The following ALK variants were observed in gnomAD, a reference collection of about 807,000 sequenced individuals.
ALK encodes ALK tyrosine kinase receptor.
Under a neutral mutation model 163.1 loss-of-function variants are expected in ALK, and 74 were observed. The observed-to-expected ratio is 0.45, with a 90% CI of 0.38 to 0.55. The LOEUF is 0.55. Among genes scored for constraint, ALK ranks in the 20% least tolerant of loss-of-function variants. ALK has a pLI of 0.00. For missense variants in ALK, 2,063 were observed against 2,105.3 expected (o/e 0.98, Z 0.39); for synonymous variants, 960 against 843.2 (o/e 1.14, Z -2.40).
chr2:29,353,609 CA>C (rs1468364652), intron 5 of ALK, among the ~76,000 whole-genome samples: 2 of 151,984 alleles, frequency 1.3e-5, no homozygotes, highest in Non-Finnish European at 2.9e-5. Flanking sequence ...GTCTGTACAC[CA>C]GGGAGAGGTG....
rs1475364383 is a variant in ALK at position 29,251,110 on chromosome 2, G to A, written c.2199C>T (p.Thr733=). ...IQIWKVPATD[T]YSISGYGAAG... ...TCCCCCTCTTCCATACGCACCTGTA[G>A]GTGTCGGTGGCTGGCACCTTCCAGA... Residue 733 remains threonine, a synonymous_variant, in exon 12 of 29, where the codon ACC becomes ACT. Coordinates refer to ENST00000389048, the MANE Select transcript of ALK (RefSeq NM_004304.5). 1 of 1,614,028 alleles carries A rather than the reference G, an allele frequency of 6.2e-7. No individual in the cohort carries two copies. The highest frequency in any genetic ancestry group is 2.2e-5 in the East Asian group (1 of 44,860).
Position 29,296,997 on chromosome 2 carries a change from C to A in ALK, c.1708G>T (p.Glu570Ter), listed in dbSNP as rs1381135955. The A allele has an allele frequency of 6.2e-7, 1 of 1,614,052 alleles. No individual in the cohort carries two copies. Among genetic ancestry groups the A allele is most frequent in the African/African-American group, 1.3e-5 (1 of 74,926 alleles). The stretch of plus-strand genomic sequence containing the variant: ...CCTTGCTCCTTCCCGGTTTTGTTCT[C>A]CACTAGCACCAAGGACACGTTTCCC... ...LRGNVSLVLV[E>*]NKTGKEQGRM... Residue 570 changes from glutamate to a stop codon, truncating the protein, a stop_gained, in exon 9 of 29, where the codon GAG becomes TAG. Coordinates refer to ENST00000389048, the MANE Select transcript of ALK (RefSeq NM_004304.5). LOFTEE classifies it high-confidence loss of function.
chr2:29,484,228 T>C (rs983098818), intron 4 of ALK, among the ~76,000 whole-genome samples: 90 of 152,170 alleles, frequency 5.9e-4, no homozygotes, highest in African/African-American at 2.1e-3. Context: ...GGTAATTAGA[T>C]GGATTGATTG....
intron 4 of ALK, among the ~76,000 whole-genome samples, chr2:29,394,882 T>TC (rs1446525622): frequency 6.6e-6 from 1 of 152,114 alleles, no homozygotes; most frequent in Admixed American, 6.5e-5. Flanking sequence ...TTTTTTTTTT[T>TC]CTTCAATACA....
At chr2:29,609,425 C>A (rs1438873795) in intron 3 of ALK, among the ~76,000 whole-genome samples, 1 of 152,040 alleles carries the variant, frequency 6.6e-6, no homozygotes, top group Non-Finnish European at 1.5e-5. Context: ...TCCTGGTGGC[C>A]CACAGAAGAG....
intron 1 of ALK, among the ~76,000 whole-genome samples, chr2:29,778,680 G>A (rs1460018651): frequency 6.6e-6 from 1 of 152,094 alleles, no homozygotes; most frequent in Admixed American, 6.6e-5. Flanking sequence ...GCAGCTGAAA[G>A]TTTCCTATGG....
rs748335936 is a variant in ALK at position 29,275,100 on chromosome 2, T to C, written c.2040A>G (p.Thr680=). The C allele has an allele frequency of 3.1e-6, 5 of 1,613,958 alleles. No individual in the cohort carries two copies. The highest frequency in any genetic ancestry group is 4.2e-6 in the Non-Finnish European group (5 of 1,180,038). ...CACATTTGTGAGCTGAACCCTTACCTGTAGGGTCAAAGATGGGGGTCTGTC... is the reference window on the plus strand; with the variant it reads ...CACATTTGTGAGCTGAACCCTTACCCGTAGGGTCAAAGATGGGGGTCTGTC... ...SPRQTPIFDP[T]VHWLFTTCGA... is the part of the protein sequence containing the mutation. The change falls in exon 11 of 29, where the codon ACA becomes ACG. Residue 680 remains threonine, a splice_region_variant and synonymous_variant. Transcript: ENST00000389048.
intron 4 of ALK, among the ~76,000 whole-genome samples, chr2:29,474,798 T>C (rs1671462022): frequency 6.7e-6 from 1 of 148,500 alleles, no homozygotes; most frequent in African/African-American, 2.5e-5. Flanking sequence ...GATTTTCTAG[T>C]GCGATATAAG....
chr2:29,767,210 C>G (rs547245829), intron 1 of ALK, among the ~76,000 whole-genome samples: 85 of 152,302 alleles, frequency 5.6e-4, no homozygotes, highest in African/African-American at 2.0e-3. Flanking sequence ...GTAAGAAGAT[C>G]AAGCTTAAAC....
intron 4 of ALK, among the ~76,000 whole-genome samples, chr2:29,527,762 G>A (rs1488311865): frequency 3.3e-5 from 5 of 152,058 alleles, no homozygotes; most frequent in Non-Finnish European, 4.4e-5. Flanking sequence ...TGATCCTCCC[G>A]CCTTGGTCTC....
At chr2:29,666,927 G>C (rs909190919) in intron 3 of ALK, among the ~76,000 whole-genome samples, 2 of 151,910 alleles carry the variant, frequency 1.3e-5, no homozygotes, top group African/African-American at 4.8e-5. Flanking sequence ...ACATAGAAAT[G>C]AGAACATGCA....
At chr2:29,345,790 T>A (rs1667931767) in intron 5 of ALK, among the ~76,000 whole-genome samples, 1 of 152,118 alleles carries the variant, frequency 6.6e-6, no homozygotes, top group Non-Finnish European at 1.5e-5. Context: ...TGAAGAACCC[T>A]TATTAACATG....
At chr2:29,901,254 C>T (rs1667409374) in intron 1 of ALK, among the ~76,000 whole-genome samples, 2 of 152,192 alleles carry the variant, frequency 1.3e-5, no homozygotes, top group South Asian at 2.1e-4. Context: ...AAGTGCCTGG[C>T]ATGTAATAGA....
chr2:29,568,376 G>T (rs553727000), intron 3 of ALK, among the ~76,000 whole-genome samples: 3 of 152,208 alleles, frequency 2.0e-5, no homozygotes, highest in South Asian at 4.2e-4. Context: ...TCTTTCCATT[G>T]CCACATTCTG....
intron 1 of ALK, among the ~76,000 whole-genome samples, chr2:29,887,977 C>A (rs145716837): frequency 2.0e-5 from 3 of 152,296 alleles, no homozygotes; most frequent in South Asian, 2.1e-4. Flanking sequence ...AATGTCAGGT[C>A]AGGTAATCAT....
intron 3 of ALK, among the ~76,000 whole-genome samples, chr2:29,554,104 A>G (rs1313168946): frequency 1.3e-5 from 2 of 152,138 alleles, no homozygotes; most frequent in Non-Finnish European, 2.9e-5. Flanking sequence ...TATGAACTTG[A>G]GTGTCTGTAA....
chr2:29,831,439 C>G lies in ALK; in HGVS notation c.667+88554G>C, dbSNP rs550976785. Among the ~76,000 whole-genome samples, 97 of 152,058 alleles carry G rather than the reference C, an allele frequency of 6.4e-4. 1 individual carries two copies. Among genetic ancestry groups the G allele is most frequent in the African/African-American group, 2.2e-3 (92 of 41,500 alleles). Reference sequence around the variant, plus strand: ...GAGAAGCATGCTTTAGAGCTTCTCTCTTTATGCCCTGAGGCACAATGACTC... The same window carrying G: ...GAGAAGCATGCTTTAGAGCTTCTCTGTTTATGCCCTGAGGCACAATGACTC... On this transcript the variant is annotated intron_variant, in intron 1 of 28. Coordinates refer to ENST00000389048, the MANE Select transcript of ALK (RefSeq NM_004304.5).
At chr2:29,792,724 T>C (rs748847576) in intron 1 of ALK, among the ~76,000 whole-genome samples, 6 of 150,618 alleles carry the variant, frequency 4.0e-5, no homozygotes, top group Admixed American at 3.9e-4. Context: ...ACAACATTTT[T>C]TGGTTTTGGT....
At chr2:29,401,817 G>T (rs1669453137) in intron 4 of ALK, among the ~76,000 whole-genome samples, 1 of 152,152 alleles carries the variant, frequency 6.6e-6, no homozygotes, top group Non-Finnish European at 1.5e-5. Flanking sequence ...CTAAGAGAGC[G>T]ATTAAAAGGG....
Sources: gnomAD v4.1 joint callset for allele counts (sites outside exome capture counted in the v4.1 genomes callset) on GRCh38, gnomAD v4.1.1 for gene constraint, MANE v1.5 for transcripts, NCBI Gene and HGNC (gene_info 2026-07-23, HGNC 2026-07-21) for gene names.